The following CD58 variants were observed in gnomAD, a reference collection of about 807,000 sequenced individuals.
The protein encoded by CD58 is CD58 molecule.
A neutral mutation model predicts 27.6 loss-of-function variants in CD58; 14 were observed. The observed-to-expected ratio is 0.51, with a 90% CI of 0.34 to 0.79. The LOEUF (loss-of-function observed/expected upper bound fraction) is 0.79. CD58 is among the 30% of genes least tolerant of loss of function. The pLI is 0.02. For synonymous variants in CD58, 117 were observed against 103.8 expected (o/e 1.13, Z -0.77); for missense variants, 268 against 301.7 (o/e 0.89, Z 0.83).
intron 1 of CD58, among the ~76,000 whole-genome samples, chr1:116,551,220 T>C (rs562401002): frequency 6.6e-6 from 1 of 152,338 alleles, no homozygotes; most frequent in Non-Finnish European, 1.5e-5. Flanking sequence ...TTCTCCTGTC[T>C]AGCTATGGAA....
At position 116,531,522 on chromosome 1, in the gene CD58, C is replaced by T. The variant is rs999389056; in HGVS notation, c.628+4443G>A. ...TTTACAACAAATTGCATTTCCATAT[C>T]GTATGCCTTGGGTATTATGTAACAC... On this transcript the variant is annotated intron_variant, in intron 3 of 5. Transcript: ENST00000369489. This position sits in a 1 kb window ranked among gnomAD's most constrained non-coding sequence, Gnocchi z 4.5. Among the ~76,000 whole-genome samples, 5 of 152,040 alleles carry T rather than the reference C, an allele frequency of 3.3e-5. No individual in the cohort carries two copies. The highest frequency in any genetic ancestry group is 4.8e-5 in the African/African-American group (2 of 41,394).
Position 116,570,049 on chromosome 1 carries a change from G to A in CD58, c.70+854C>T, listed in dbSNP as rs1659088408. ...GAGCAAACGGACGGACGGGCTGGAG[G>A]GCTGGCAGTGGGGTGCAGGAGCCAG... On this transcript the variant is annotated intron_variant, in intron 1 of 5. Transcript: ENST00000369489. This position sits in a 1 kb window ranked among gnomAD's most constrained non-coding sequence, Gnocchi z 6.4. Among the ~76,000 whole-genome samples the A allele has an allele frequency of 6.6e-6, 1 of 152,214 alleles. No individual in the cohort carries two copies. The highest frequency in any genetic ancestry group is 1.5e-5 in the Non-Finnish European group (1 of 68,032).
intron 1 of CD58, among the ~76,000 whole-genome samples, chr1:116,564,745 T>C (rs1011277391): frequency 6.6e-6 from 1 of 152,168 alleles, no homozygotes; most frequent in Non-Finnish European, 1.5e-5. Context: ...GCCCTTGACA[T>C]ATGGGGATTA....
chr1:116,547,000 A>T lies in CD58; in HGVS notation c.71-2396T>A, dbSNP rs1658201572. ...TTCCTTATGCTTTTTTTTCTTTTTTAAATTTTTTTATTACTATTATCTCAA... is the reference window on the plus strand; with the variant it reads ...TTCCTTATGCTTTTTTTTCTTTTTTTAATTTTTTTATTACTATTATCTCAA... On this transcript the variant is annotated intron_variant, in intron 1 of 5. Transcript: ENST00000369489. This position sits in a 1 kb window ranked among gnomAD's most constrained non-coding sequence, Gnocchi z 4.1. 1.3e-5 allele frequency among the ~76,000 whole-genome samples: 2 copies of T among 151,258 alleles called. No individual in the cohort carries two copies. Among genetic ancestry groups the T allele is most frequent in the South Asian group, 4.2e-4 (2 of 4,796 alleles).
rs1401846942 is a variant in CD58 at position 116,546,276 on chromosome 1, AG to A, written c.71-1673del. Among the ~76,000 whole-genome samples, 3 of 152,246 alleles carry A rather than the reference AG, an allele frequency of 2.0e-5. No homozygotes were observed. The highest frequency in any genetic ancestry group is 7.2e-5 in the African/African-American group (3 of 41,474). ...GCAATTAGGGTAATTGAAATAATAC[AG>A]GGGAAATCAAGAACACTGAATGACC... On this transcript the variant is annotated intron_variant, in intron 1 of 5. Coordinates refer to ENST00000369489, the MANE Select transcript of CD58 (RefSeq NM_001779.3). The surrounding 1 kb of genome is among the most constrained non-coding windows in gnomAD (Gnocchi z 4.1).
intron 1 of CD58, among the ~76,000 whole-genome samples, chr1:116,551,532 G>T (rs1658390493): frequency 6.6e-6 from 1 of 152,190 alleles, no homozygotes; most frequent in Admixed American, 6.5e-5. Flanking sequence ...TTAAGGGAAT[G>T]TTGTAGCTGG....
rs1471577449 is a variant in CD58, at chr1:116,516,928, G to T, written c.744-2106C>A. Reference sequence around the variant, plus strand: ...TGAATCCCACACAATGTCTAGCCTCGCTGGGTACTCTGACCCCCACCCTAT... The same window carrying T: ...TGAATCCCACACAATGTCTAGCCTCTCTGGGTACTCTGACCCCCACCCTAT... On this transcript the variant is annotated intron_variant, in intron 5 of 5. Coordinates refer to ENST00000369489, the MANE Select transcript of CD58 (RefSeq NM_001779.3). This position sits in a 1 kb window ranked among gnomAD's most constrained non-coding sequence, Gnocchi z 6.1. Among the ~76,000 whole-genome samples the T allele has an allele frequency of 1.3e-5, 2 of 152,076 alleles. No individual in the cohort carries two copies. Among genetic ancestry groups the T allele is most frequent in the South Asian group, 2.1e-4 (1 of 4,832 alleles).
At chr1:116,526,659 C>G (rs1194704606) in intron 3 of CD58, among the ~76,000 whole-genome samples, 2 of 152,166 alleles carry the variant, frequency 1.3e-5, no homozygotes, top group African/African-American at 2.4e-5. Flanking sequence ...CAATATTTTG[C>G]TGGCTATTCT....
At chr1:116,525,027 T>G (rs1257351243) in intron 3 of CD58, among the ~76,000 whole-genome samples, 1 of 152,160 alleles carries the variant, frequency 6.6e-6, no homozygotes, top group Admixed American at 6.5e-5. Flanking sequence ...CTCACCAGAG[T>G]GGTACATTTT....
chr1:116,570,775 G>T lies in CD58; in HGVS notation c.70+128C>A. On this transcript the variant is annotated intron_variant, in intron 1 of 5. Transcript: ENST00000369489. The surrounding 1 kb of genome is among the most constrained non-coding windows in gnomAD (Gnocchi z 6.4). The stretch of plus-strand genomic sequence containing the variant: ...AGGCTCCCACGGCTGAGTTGTTCCC[G>T]GCCCACAGCGACCCGTCCCCACCCG... The T allele has an allele frequency of 1.5e-6, 1 of 649,516 alleles. No individual in the cohort carries two copies. Among genetic ancestry groups the T allele is most frequent in the Non-Finnish European group, 2.6e-6 (1 of 390,618 alleles). The allele number at this position is 649,516 out of a possible 1,614,324, so 40.2% of individuals were successfully genotyped here.
intron 1 of CD58, among the ~76,000 whole-genome samples, chr1:116,545,671 G>A (rs1235317750): frequency 3.3e-5 from 5 of 152,210 alleles, no homozygotes; most frequent in African/African-American, 1.2e-4. Context: ...GTTGGAGCCA[G>A]GTCCACCTGC....
At chr1:116,533,625 AT>A in intron 3 of CD58, 1 of 702,500 alleles carries the variant, frequency 1.4e-6, no homozygotes. Flanking sequence ...TTCCTTTGGG[AT>A]TTGGCTCTTC....
intron 1 of CD58, among the ~76,000 whole-genome samples, chr1:116,565,490 A>G (rs1181798111): frequency 6.6e-6 from 1 of 152,110 alleles, no homozygotes; most frequent in Non-Finnish European, 1.5e-5. Flanking sequence ...TGTAATACTA[A>G]CCAGCAGAGG....
chr1:116,533,150 T>A (rs1657672432), intron 3 of CD58: 1 of 753,452 alleles, frequency 1.3e-6, no homozygotes, highest in African/African-American at 1.7e-5. Flanking sequence ...AATCAGAGGC[T>A]AATACGAATT....
At chr1:116,543,129 G>A (rs933247161) in intron 2 of CD58, among the ~76,000 whole-genome samples, 1 of 152,200 alleles carries the variant, frequency 6.6e-6, no homozygotes, top group Non-Finnish European at 1.5e-5. Flanking sequence ...TAATCTAGCT[G>A]TAATCTGGCC....
rs562891813 is a variant in CD58, at chr1:116,559,328, C to G, written c.70+11575G>C. Among the ~76,000 whole-genome samples the G allele has an allele frequency of 2.6e-5, 4 of 152,280 alleles. No homozygotes were observed. In the South Asian group the frequency reaches 8.3e-4, roughly 32 times the overall value. ...AGAGAAGGTCAAAGATTCCGAAGCA[C>G]CAGGCTACAGATGAAGAAATGGACT... On this transcript the variant is annotated intron_variant, in intron 1 of 5. Transcript: ENST00000369489. This position sits in a 1 kb window ranked among gnomAD's most constrained non-coding sequence, Gnocchi z 4.4.
chr1:116,540,350 T>TA (rs60462818), intron 2 of CD58, among the ~76,000 whole-genome samples: 171 of 143,520 alleles, frequency 1.2e-3, no homozygotes, highest in East Asian at 1.8e-3. Context: ...CCTCTTTTCT[T>TA]AAAAAAAAAA....
Position 116,517,515 on chromosome 1 carries a change from T to G in CD58, c.743+1716A>C, listed in dbSNP as rs1229306222. On this transcript the variant is annotated intron_variant, in intron 5 of 5. Coordinates refer to ENST00000369489, the MANE Select transcript of CD58 (RefSeq NM_001779.3). This position sits in a 1 kb window ranked among gnomAD's most constrained non-coding sequence, Gnocchi z 6.5. Reference sequence around the variant, plus strand: ...CTTGCTGCTGCTTAGCCACCCTCACTTCATCCCTGCACTGACCACAGCAAC... The same window carrying G: ...CTTGCTGCTGCTTAGCCACCCTCACGTCATCCCTGCACTGACCACAGCAAC... 6.6e-6 allele frequency among the ~76,000 whole-genome samples: 1 copy of G among 152,080 alleles called. No individual in the cohort carries two copies. Among genetic ancestry groups the G allele is most frequent in the Non-Finnish European group, 1.5e-5 (1 of 68,008 alleles).
intron 1 of CD58, among the ~76,000 whole-genome samples, chr1:116,545,494 G>T (rs1380164749): frequency 2.0e-5 from 3 of 152,210 alleles, no homozygotes; most frequent in Non-Finnish European, 4.4e-5. Flanking sequence ...AGATGCTGGA[G>T]AGAGAAGTCA....
Sources: gnomAD v4.1 joint callset for allele counts (sites outside exome capture counted in the v4.1 genomes callset) on GRCh38, gnomAD v4.1.1 for gene constraint, Gnocchi (gnomAD v3.1) non-coding constraint, MANE v1.5 for transcripts, NCBI Gene and HGNC (gene_info 2026-07-23, HGNC 2026-07-21) for gene names.